The following CSMD1 variants were observed in gnomAD, a reference collection of about 807,000 sequenced individuals.
CSMD1 encodes the protein CUB and sushi domain-containing protein 1.
Under a neutral mutation model 417.5 loss-of-function variants are expected in CSMD1, and 213 were observed. The observed-to-expected ratio is 0.51, with a 90% CI of 0.46 to 0.57. CSMD1 has a LOEUF of 0.57. CSMD1 is among the 20% of genes least tolerant of loss of function. CSMD1 has a pLI of 0.00. For synonymous variants in CSMD1, 2,862 were observed against 1,736.8 expected (o/e 1.65, Z -16.11); for missense variants, 6,923 against 4,529.7 (o/e 1.53, Z -15.17).
intron 6 of CSMD1, among the ~76,000 whole-genome samples, chr8:3,752,902 G>T (rs1219727698): frequency 6.6e-6 from 1 of 152,070 alleles, no homozygotes; most frequent in African/African-American, 2.4e-5. Flanking sequence ...AAGCATTATG[G>T]ATTTTAAAAT....
intron 3 of CSMD1, among the ~76,000 whole-genome samples, chr8:4,334,981 C>T (rs1399551278): frequency 1.3e-5 from 2 of 152,106 alleles, no homozygotes; most frequent in African/African-American, 4.8e-5. Context: ...GTCCTCCAGG[C>T]TTGTCTTTAA....
chr8:4,838,630 C>G (rs1800645479), intron 1 of CSMD1, among the ~76,000 whole-genome samples: 2 of 152,312 alleles, frequency 1.3e-5, no homozygotes, highest in East Asian at 1.9e-4. Flanking sequence ...CATGCTATTG[C>G]AAAACAATAG....
intron 1 of CSMD1, chr8:4,787,672 G>T: frequency 6.3e-7 from 1 of 1,589,420 alleles, no homozygotes. Flanking sequence ...AAGGATATAA[G>T]TTTACCCACC....
intron 10 of CSMD1, among the ~76,000 whole-genome samples, chr8:3,556,516 G>A (rs78864582): frequency 1.5e-5 from 2 of 137,732 alleles, no homozygotes; most frequent in South Asian, 2.3e-4. Context: ...TTTTTCACAC[G>A]CACACACACA....
At chr8:3,474,983 T>C (rs1483669606) in intron 11 of CSMD1, among the ~76,000 whole-genome samples, 1 of 152,154 alleles carries the variant, frequency 6.6e-6, no homozygotes, top group Non-Finnish European at 1.5e-5. Context: ...AGCCCTGCAG[T>C]GTAAAACTCT....
intron 2 of CSMD1, among the ~76,000 whole-genome samples, chr8:4,485,651 G>A (rs554556695): frequency 6.6e-6 from 1 of 152,164 alleles, no homozygotes; most frequent in East Asian, 1.9e-4. Flanking sequence ...TGCTATCGCA[G>A]AGCCCAGGTA....
chr8:3,611,622 T>C (rs112612946), intron 8 of CSMD1, among the ~76,000 whole-genome samples: 119 of 152,232 alleles, frequency 7.8e-4, no homozygotes, highest in African/African-American at 2.6e-3. Context: ...CTAACGAAAA[T>C]TAGAAAATTT....
rs538400244 is a variant in CSMD1 at position 3,851,571 on chromosome 8, C to T, written c.819-97529G>A. Among the ~76,000 whole-genome samples the T allele has an allele frequency of 4.6e-5, 7 of 152,280 alleles. No individual in the cohort carries two copies. The East Asian group carries it at 9.7e-4, about 21-fold the overall frequency. On this transcript the variant is annotated intron_variant, in intron 5 of 69. Transcript: ENST00000635120. ...CTGCACCTTGAGCAGCAACTCCCTG[C>T]TGCAGGCCAAGGGAGGGCAGGGTTG...
intron 5 of CSMD1, among the ~76,000 whole-genome samples, chr8:3,895,813 G>T (rs914664861): frequency 6.6e-6 from 1 of 152,172 alleles, no homozygotes; most frequent in Non-Finnish European, 1.5e-5. Context: ...TGTACCTGCA[G>T]TGTGAGCCAC....
intron 51 of CSMD1, among the ~76,000 whole-genome samples, chr8:3,029,083 T>C (rs1289802687): frequency 6.6e-6 from 1 of 152,062 alleles, no homozygotes; most frequent in Non-Finnish European, 1.5e-5. Flanking sequence ...GTTGGAGAAA[T>C]ACAATTATTA....
At chr8:4,616,403 A>G (rs1801477946) in intron 2 of CSMD1, among the ~76,000 whole-genome samples, 1 of 152,184 alleles carries the variant, frequency 6.6e-6, no homozygotes, top group Non-Finnish European at 1.5e-5. Flanking sequence ...GTGGCCTCCA[A>G]TATTTGGTGC....
intron 31 of CSMD1, among the ~76,000 whole-genome samples, chr8:3,202,819 T>C (rs1022922255): frequency 6.6e-6 from 1 of 152,210 alleles, no homozygotes; most frequent in Non-Finnish European, 1.5e-5. Context: ...TACACACATA[T>C]CTAATATAAC....
intron 54 of CSMD1, among the ~76,000 whole-genome samples, chr8:2,987,587 T>G (rs1235017241): frequency 1.3e-5 from 2 of 152,142 alleles, no homozygotes; most frequent in African/African-American, 4.8e-5. Context: ...AACTCACAAT[T>G]TTTGCTGTAA....
intron 3 of CSMD1, among the ~76,000 whole-genome samples, chr8:4,405,576 T>C (rs1283788289): frequency 6.6e-6 from 1 of 152,190 alleles, no homozygotes; most frequent in East Asian, 1.9e-4. Context: ...AAATACACTA[T>C]ACAAAACGTG....
intron 3 of CSMD1, among the ~76,000 whole-genome samples, chr8:4,419,275 A>G (rs1248559585): frequency 6.6e-6 from 1 of 152,194 alleles, no homozygotes; most frequent in Non-Finnish European, 1.5e-5. Flanking sequence ...CATCCAAAAC[A>G]AAAGTAGACA....
At chr8:4,455,034 A>G (rs1212347545) in intron 2 of CSMD1, among the ~76,000 whole-genome samples, 1 of 152,090 alleles carries the variant, frequency 6.6e-6, no homozygotes, top group African/African-American at 2.4e-5. Context: ...GTCCGCTGTC[A>G]TCAACACAAT....
intron 2 of CSMD1, among the ~76,000 whole-genome samples, chr8:4,427,245 G>C (rs887271116): frequency 2.6e-5 from 4 of 152,180 alleles, no homozygotes; most frequent in African/African-American, 9.7e-5. Context: ...GCCCTGAATG[G>C]TCCTCAGTCC....
chr8:4,141,878 C>G (rs536399910), intron 3 of CSMD1, among the ~76,000 whole-genome samples: 1 of 151,012 alleles, frequency 6.6e-6, no homozygotes, highest in South Asian at 2.1e-4. Context: ...AGTACCAATC[C>G]TACAAGGAGG....
At chr8:4,266,863 A>G (rs1347735851) in intron 3 of CSMD1, among the ~76,000 whole-genome samples, 1 of 104,988 alleles carries the variant, frequency 9.5e-6, no homozygotes, top group African/African-American at 2.6e-5. Context: ...CAATATTTGA[A>G]AACATATTAA....
Sources: allele counts gnomAD v4.1 joint callset (sites outside exome capture counted in the v4.1 genomes callset), GRCh38; gene constraint gnomAD v4.1.1; transcripts MANE v1.5; gene names NCBI Gene and HGNC (gene_info 2026-07-23, HGNC 2026-07-21).